The following RPN2 variants were observed in gnomAD, a reference collection of about 807,000 sequenced individuals.
RPN2 encodes dolichyl-diphosphooligosaccharide--protein glycosyltransferase subunit 2.
RPN2 carries 29 observed loss-of-function variants against 71.4 expected under a neutral mutation model. The ratio of observed to expected loss-of-function variants is 0.41; its 90% CI spans 0.30 to 0.55. The LOEUF is 0.55. RPN2 is among the 20% of genes least tolerant of loss of function. RPN2 has a pLI of 0.35. For missense variants in RPN2, 726 were observed against 774.1 expected (o/e 0.94, Z 0.74); for synonymous variants, 308 against 305.0 (o/e 1.01, Z -0.10).
chr20:37,195,822 G>C (rs888801126), intron 2 of RPN2, among the ~76,000 whole-genome samples: 1 of 152,052 alleles, frequency 6.6e-6, no homozygotes, highest in African/African-American at 2.4e-5. Context: ...ATCCCTAATT[G>C]ATGCAAAGTG....
chr20:37,202,219 G>A (rs913537768), intron 4 of RPN2, among the ~76,000 whole-genome samples: 1 of 152,222 alleles, frequency 6.6e-6, no homozygotes, highest in African/African-American at 2.4e-5. Context: ...ATCACGGGCA[G>A]ATGTGTGATT....
intron 10 of RPN2, among the ~76,000 whole-genome samples, chr20:37,225,029 C>T (rs1407049709): frequency 6.6e-6 from 1 of 152,134 alleles, no homozygotes. Context: ...TAAAATAAAG[C>T]CAGGTCTGAG....
chr20:37,228,410 T>G (rs2068135975), intron 11 of RPN2, 140 bp from the exon 12 acceptor site: 1 of 803,182 alleles, frequency 1.2e-6, no homozygotes, highest in East Asian at 2.6e-5. Context: ...CCTTCTACTC[T>G]CTGGGGCAGG....
At chr20:37,183,846 G>A (rs959830435) in intron 1 of RPN2, among the ~76,000 whole-genome samples, 28 of 152,346 alleles carry the variant, frequency 1.8e-4, no homozygotes, top group African/African-American at 6.0e-4. Flanking sequence ...CGGGAAGCGC[G>A]AGGGAGGAGA....
chr20:37,208,062 G>A (rs767349423), intron 7 of RPN2, among the ~76,000 whole-genome samples: 31 of 152,026 alleles, frequency 2.0e-4, no homozygotes, highest in Non-Finnish European at 3.7e-4. Context: ...ATGAGGTGAA[G>A]AGATTGAGAC....
chr20:37,232,385 C>T lies in RPN2; in HGVS notation c.1671C>T (p.Phe557=), dbSNP rs778038328. The change falls in exon 14 of 17, where the codon TTC becomes TTT. Residue 557 remains phenylalanine, a synonymous_variant. Transcript: ENST00000237530. Reference sequence around the variant, plus strand: ...TCCTCTCGCCGTTGCTTCTGCTCTTCGCTCTGGTGAGTGGCTGTAATTAGC... The same window carrying T: ...TCCTCTCGCCGTTGCTTCTGCTCTTTGCTCTGGTGAGTGGCTGTAATTAGC... ...ALILSPLLLL[F]ALWIRIGANV... The T allele has an allele frequency of 3.7e-5, 60 of 1,614,092 alleles. No homozygotes were observed. In the East Asian group the frequency reaches 1.0e-3, roughly 28 times the overall value.
intron 2 of RPN2, 109 bp downstream of exon 2, chr20:37,184,482 C>A: frequency 1.0e-6 from 1 of 997,276 alleles, no homozygotes; most frequent in Non-Finnish European, 1.5e-6. Flanking sequence ...TTGAGGATAA[C>A]CAAGGTTAAT....
intron 6 of RPN2, among the ~76,000 whole-genome samples, chr20:37,205,839 C>G (rs2067499850): frequency 2.0e-5 from 3 of 152,122 alleles, no homozygotes; most frequent in Non-Finnish European, 4.4e-5. Flanking sequence ...GCTGATTGTC[C>G]TATACACAGT....
intron 11 of RPN2, among the ~76,000 whole-genome samples, chr20:37,226,713 ATTAT>A (rs2068085943): frequency 6.6e-6 from 1 of 152,150 alleles, no homozygotes; most frequent in African/African-American, 2.4e-5. Flanking sequence ...AATGAAAATT[ATTAT>A]TTAAAAGATT....
intron 5 of RPN2, among the ~76,000 whole-genome samples, chr20:37,204,259 G>A (rs2067461600): frequency 6.6e-6 from 1 of 152,220 alleles, no homozygotes; most frequent in African/African-American, 2.4e-5. Context: ...GTGACAAGCA[G>A]TCCTGATGGT....
intron 16 of RPN2, 79 bp from the exon 17 acceptor site, chr20:37,241,224 C>G: frequency 6.5e-7 from 1 of 1,543,264 alleles, no homozygotes; most frequent in Admixed American, 1.7e-5. Context: ...ACCTTAGTCT[C>G]TCTGTTGTCA....
chr20:37,205,067 G>A (rs2067482396), intron 6 of RPN2, among the ~76,000 whole-genome samples, 166 bp downstream of exon 6: 1 of 152,208 alleles, frequency 6.6e-6, no homozygotes, highest in South Asian at 2.1e-4. Context: ...TGTAATGCCT[G>A]TCTTCAGGAA....
At chr20:37,214,376 C>G (rs1000437805) in intron 9 of RPN2, among the ~76,000 whole-genome samples, 4 of 152,156 alleles carry the variant, frequency 2.6e-5, no homozygotes, top group Non-Finnish European at 5.9e-5. Context: ...GGTTGAAGAT[C>G]GAAGTAGCTT....
intron 6 of RPN2, among the ~76,000 whole-genome samples, chr20:37,206,355 T>C (rs1038354269): frequency 6.6e-6 from 1 of 152,170 alleles, no homozygotes; most frequent in Non-Finnish European, 1.5e-5. Flanking sequence ...ACAAGTAGGT[T>C]GGGAGGAAAG....
At chr20:37,207,513 A>C (rs1166709613) in intron 7 of RPN2, 64 bp downstream of exon 7, 14 of 1,493,250 alleles carry the variant, frequency 9.4e-6, no homozygotes, top group Admixed American at 1.7e-5. Context: ...GCTTTCAGAA[A>C]TCTGGACTAT....
chr20:37,222,722 T>C (rs1352553479), intron 9 of RPN2, among the ~76,000 whole-genome samples: 1 of 152,222 alleles, frequency 6.6e-6, no homozygotes, highest in Admixed American at 6.5e-5. Flanking sequence ...TTTGGAAGGC[T>C]TACAGATCTG....
At position 37,184,366 on chromosome 20, in the gene RPN2, A is replaced by G. The variant is rs780857130; in HGVS notation, c.200A>G (p.Asp67Gly). The change falls in exon 2 of 17, where the codon GAT (aspartate) becomes GGT (glycine). Residue 67 changes from aspartate to glycine, a missense_variant. Asp to Gly is a moderately conservative substitution (Grantham distance 94, BLOSUM62 -1). Coordinates refer to ENST00000237530, the MANE Select transcript of RPN2 (RefSeq NM_002951.5). ...GLSSLGAQVP[D>G]AKKACTYIRS... is the part of the protein sequence containing the mutation. ...AGCAGCCTTGGTGCTCAGGTGCCAG[A>G]TGCAAAGGTAAGGCTGCTTTTGTCC... is the stretch of plus-strand genomic sequence containing the variant. 6.2e-7 allele frequency: 1 copy of G among 1,614,142 alleles called. No individual in the cohort carries two copies. Among genetic ancestry groups the G allele is most frequent in the Non-Finnish European group, 8.5e-7 (1 of 1,179,964 alleles).
chr20:37,232,318 A>C lies in RPN2; in HGVS notation c.1604A>C (p.Lys535Thr). 5 of 1,614,188 alleles carry C rather than the reference A, an allele frequency of 3.1e-6. No homozygotes were observed. The Middle Eastern group carries it at 4.9e-4, about 160-fold the overall frequency. ...CAGCACCTGTTCCGCGAGCCTGAGA[A>C]GAGGCCCCCCACCGTGGTGTCCAAT... ...EIQHLFREPEKRPPTVVSNTF... is the reference protein window; with the variant it reads ...EIQHLFREPETRPPTVVSNTF... Residue 535 changes from lysine to threonine, a missense_variant, in exon 14 of 17, where the codon AAG becomes ACG. Lys to Thr is a moderately conservative substitution (Grantham distance 78, BLOSUM62 -1). Transcript: ENST00000237530.
intron 2 of RPN2, among the ~76,000 whole-genome samples, chr20:37,197,566 T>C (rs1203537886): frequency 2.6e-5 from 4 of 152,144 alleles, no homozygotes; most frequent in African/African-American, 9.7e-5. Context: ...AGCTGGGAAG[T>C]CCTGGTGAAG....
Sources: allele counts gnomAD v4.1 joint callset (sites outside exome capture counted in the v4.1 genomes callset), GRCh38; gene constraint gnomAD v4.1.1; transcripts MANE v1.5; gene names NCBI Gene and HGNC (gene_info 2026-07-23, HGNC 2026-07-21).